Variants in GRIN2A observed in about 807,000 individuals in gnomAD.
GRIN2A encodes glutamate ionotropic receptor NMDA type subunit 2A, also known as glutamate receptor ionotropic, NMDA 2A.
GRIN2A carries 22 observed loss-of-function variants against 113.4 expected under a neutral mutation model. The observed-to-expected ratio is 0.19, with a 90% CI of 0.14 to 0.28. GRIN2A has a LOEUF of 0.28. GRIN2A is among the 10% of genes least tolerant of loss of function. The pLI is 1.00. For synonymous variants in GRIN2A, 827 were observed against 738.4 expected, an observed-to-expected ratio of 1.12 and a Z score of -1.94; for missense variants, 1,502 against 1,887.0, an observed-to-expected ratio of 0.80 and a Z score of 3.78.
intron 2 of GRIN2A, among the ~76,000 whole-genome samples, chr16:10,055,046 TCAAAAAAAAAAAAAAAAAA>T (rs1433011740): frequency 1.6e-4 from 2 of 12,492 alleles, no homozygotes; most frequent in African/African-American, 3.2e-4. Context: ...AGACTCTATC[TCAAAAAAAAAAAAAAAAAA>T]AAAAAAAAAA....
chr16:9,946,262 G>A (rs1180507057), intron 2 of GRIN2A, among the ~76,000 whole-genome samples: 1 of 152,016 alleles, frequency 6.6e-6, no homozygotes, highest in Non-Finnish European at 1.5e-5. Flanking sequence ...TTCCAAACAG[G>A]GTCATTAGCA....
At chr16:9,769,114 G>A (rs1378686925) in intron 11 of GRIN2A, 25 bp from the exon 12 acceptor site, 1 of 1,564,472 alleles carries the variant, frequency 6.4e-7, no homozygotes, top group East Asian at 2.2e-5. Context: ...ACATTCACAG[G>A]CAGTGAGGAC....
At chr16:9,874,720 G>C (rs1369712524) in intron 4 of GRIN2A, among the ~76,000 whole-genome samples, 1 of 152,076 alleles carries the variant, frequency 6.6e-6, no homozygotes, top group Admixed American at 6.5e-5. Context: ...AATCATCTTA[G>C]AGCCTCAGTT....
intron 2 of GRIN2A, among the ~76,000 whole-genome samples, chr16:10,145,041 G>T (rs1162650982): frequency 6.6e-6 from 1 of 150,402 alleles, no homozygotes; most frequent in African/African-American, 2.4e-5. Context: ...GCAGTAACAT[G>T]GAAAAACCTG....
intron 4 of GRIN2A, among the ~76,000 whole-genome samples, chr16:9,855,620 G>C (rs1173800818): frequency 2.0e-5 from 3 of 152,164 alleles, no homozygotes; most frequent in African/African-American, 7.2e-5. Flanking sequence ...GCAAGGATAA[G>C]CTGCCCTCCC....
intron 11 of GRIN2A, among the ~76,000 whole-genome samples, chr16:9,784,703 C>G: frequency 1.3e-5 from 2 of 151,964 alleles, no homozygotes; most frequent in Non-Finnish European, 1.5e-5. Flanking sequence ...TGACAAAGGG[C>G]TAATATCCAG....
intron 3 of GRIN2A, among the ~76,000 whole-genome samples, chr16:9,896,061 T>G (rs1416140284): frequency 6.6e-6 from 1 of 152,132 alleles, no homozygotes; most frequent in Admixed American, 6.5e-5. Context: ...AACTTTTTTT[T>G]TTTTTGGAAA....
At chr16:10,025,135 G>A (rs955828075) in intron 2 of GRIN2A, among the ~76,000 whole-genome samples, 1 of 151,948 alleles carries the variant, frequency 6.6e-6, no homozygotes, top group South Asian at 2.1e-4. Context: ...GAAGAAAATT[G>A]AAAGAGGTGG....
At position 10,180,059 on chromosome 16, in the gene GRIN2A, G is replaced by C. The variant is rs2142387948; in HGVS notation, c.353C>G (p.Ser118Cys). 6.2e-7 allele frequency: 1 copy of C among 1,614,174 alleles called. No homozygotes were observed. The change falls in exon 2 of 13, where the codon TCC becomes TGC. Residue 118 changes from serine (S) to cysteine (C), a missense_variant. Ser to Cys is a moderately radical substitution (Grantham distance 112, BLOSUM62 -1). Around this residue, in one of 7 missense-constraint regions of GRIN2A, gnomAD observed 149 missense variants for 179.1 expected, o/e 0.83. Coordinates refer to ENST00000330684, the MANE Select transcript of GRIN2A (RefSeq NM_001134407.3). This position sits in a 1 kb window ranked among gnomAD's most constrained non-coding sequence, Gnocchi z 7.0. ...AVAQMLDFIS[S>C]HTFVPILGIH... is the part of the protein sequence containing the mutation. ...GCCCAAGATGGGGACGAAGGTGTGG[G>C]AGGAGATAAAATCCAGCATCTGGGC... is the stretch of plus-strand genomic sequence containing the variant.
chr16:9,962,909 G>A (rs1406234443), intron 2 of GRIN2A, among the ~76,000 whole-genome samples: 1 of 151,976 alleles, frequency 6.6e-6, no homozygotes, highest in Admixed American at 6.6e-5. Flanking sequence ...AAGAAAATGT[G>A]GCACATATAC....
intron 3 of GRIN2A, among the ~76,000 whole-genome samples, chr16:9,915,212 A>C (rs1596581116): frequency 6.6e-6 from 1 of 152,006 alleles, no homozygotes; most frequent in East Asian, 1.9e-4. Flanking sequence ...CTGGGATTAC[A>C]GGCGTGAGCC....
intron 12 of GRIN2A, among the ~76,000 whole-genome samples, chr16:9,767,888 T>G (rs770161430): frequency 2.0e-5 from 3 of 152,212 alleles, no homozygotes; most frequent in Admixed American, 6.5e-5. Flanking sequence ...TCCATAGCAT[T>G]GCAAGTAGAT....
chr16:9,971,220 T>C (rs911458018), intron 2 of GRIN2A, among the ~76,000 whole-genome samples: 1 of 152,216 alleles, frequency 6.6e-6, no homozygotes, highest in East Asian at 1.9e-4. Context: ...ATGTGACCAA[T>C]AGAAAAGCCT....
intron 2 of GRIN2A, among the ~76,000 whole-genome samples, chr16:9,971,741 C>T (rs2045673397): frequency 6.6e-6 from 1 of 152,062 alleles, no homozygotes; most frequent in African/African-American, 2.4e-5. Context: ...CAGAGTTCTG[C>T]TTCTGGTATG....
At chr16:9,781,012 T>C (rs1464632584) in intron 11 of GRIN2A, among the ~76,000 whole-genome samples, 1 of 147,114 alleles carries the variant, frequency 6.8e-6, no homozygotes, top group Non-Finnish European at 1.5e-5. Flanking sequence ...TTTTTTATGG[T>C]AAACGGCCAA....
At position 9,764,013 on chromosome 16, in the gene GRIN2A, C is replaced by T. The variant is rs777800482; in HGVS notation, c.3531G>A (p.Gly1177=). The T allele has an allele frequency of 1.2e-6, 2 of 1,614,022 alleles. No individual in the cohort carries two copies. The highest frequency in any genetic ancestry group is 2.7e-5 in the African/African-American group (2 of 74,912). Residue 1177 remains glycine (G), a synonymous_variant, in exon 13 of 13, where the codon GGG becomes GGA. Coordinates refer to ENST00000330684, the MANE Select transcript of GRIN2A (RefSeq NM_001134407.3). ...GTTTATACTGGTCGTTGTTGGAAAG[C>T]CCCTCTTCATTATGCAAGGGGTTCC... is the stretch of plus-strand genomic sequence containing the variant. ...MNRNPLHNEE[G]LSNNDQYKLY...
intron 11 of GRIN2A, among the ~76,000 whole-genome samples, chr16:9,795,071 C>A (rs1395727336): frequency 1.3e-5 from 2 of 151,918 alleles, no homozygotes; most frequent in Non-Finnish European, 2.9e-5. Context: ...ATAATGATAT[C>A]AGAGGCGTGT....
chr16:10,081,778 C>T (rs771633653), intron 2 of GRIN2A, among the ~76,000 whole-genome samples: 1 of 152,180 alleles, frequency 6.6e-6, no homozygotes, highest in African/African-American at 2.4e-5. Context: ...GTCTCCAAAT[C>T]TGATGCTCAC....
At chr16:9,825,555 T>C (rs2042371926) in intron 9 of GRIN2A, among the ~76,000 whole-genome samples, 1 of 152,176 alleles carries the variant, frequency 6.6e-6, no homozygotes, top group Non-Finnish European at 1.5e-5. Context: ...AACCAAGATA[T>C]TTTTTCTTTT....
Sources: allele counts gnomAD v4.1 joint callset (sites outside exome capture counted in the v4.1 genomes callset), GRCh38; gene constraint gnomAD v4.1.1; regional missense constraint gnomAD v4.1.1; non-coding constraint Gnocchi (gnomAD v3.1); transcripts MANE v1.5; gene names NCBI Gene and HGNC (gene_info 2026-07-23, HGNC 2026-07-21).